The following SLC8A1 variants were observed in gnomAD, a reference collection of about 807,000 sequenced individuals.
The protein encoded by SLC8A1 is solute carrier family 8 member A1.
Under a neutral mutation model 68.3 loss-of-function variants are expected in SLC8A1, and 18 were observed. The ratio of observed to expected loss-of-function variants is 0.26; its 90% CI spans 0.18 to 0.39. The LOEUF is 0.39. SLC8A1 is among the 10% of genes least tolerant of loss of function. SLC8A1 has a pLI of 1.00. For synonymous variants in SLC8A1, 475 were observed against 415.5 expected (o/e 1.14, Z -1.74); for missense variants, 985 against 1,156.7 (o/e 0.85, Z 2.15).
chr2:40,272,528 G>C (rs1383200352), intron 2 of SLC8A1, among the ~76,000 whole-genome samples: 6 of 152,170 alleles, frequency 3.9e-5, no homozygotes, highest in Non-Finnish European at 5.9e-5. Context: ...GAGTCCATAG[G>C]GGGCTAACAC....
intron 1 of SLC8A1, among the ~76,000 whole-genome samples, chr2:40,501,345 A>G (rs956965478): frequency 1.3e-5 from 2 of 152,092 alleles, no homozygotes; most frequent in Admixed American, 1.3e-4. Context: ...CTCTTTGTAA[A>G]ACATTTCTGC....
At chr2:40,324,032 G>T (rs1014715342) in intron 2 of SLC8A1, among the ~76,000 whole-genome samples, 1 of 151,728 alleles carries the variant, frequency 6.6e-6, no homozygotes, top group African/African-American at 2.4e-5. Flanking sequence ...TAAAGGTGGG[G>T]GGGGGGCTGT....
chr2:40,356,115 C>T (rs1452116499), intron 2 of SLC8A1, among the ~76,000 whole-genome samples: 1 of 152,154 alleles, frequency 6.6e-6, no homozygotes, highest in Non-Finnish European at 1.5e-5. Context: ...TGAGCTTCAC[C>T]TCCTCTCAGT....
At chr2:40,225,464 T>C (rs1467929045) in intron 2 of SLC8A1, among the ~76,000 whole-genome samples, 2 of 149,904 alleles carry the variant, frequency 1.3e-5, no homozygotes, top group Non-Finnish European at 3.0e-5. Context: ...ATGGCATTTG[T>C]CCTATTCTCT....
intron 2 of SLC8A1, among the ~76,000 whole-genome samples, chr2:40,278,154 T>G (rs935471445): frequency 6.6e-6 from 1 of 152,116 alleles, no homozygotes; most frequent in Non-Finnish European, 1.5e-5. Flanking sequence ...AACTCTATAA[T>G]TTATTTACCT....
At chr2:40,278,108 C>A (rs2067007197) in intron 2 of SLC8A1, among the ~76,000 whole-genome samples, 1 of 151,934 alleles carries the variant, frequency 6.6e-6, no homozygotes, top group Non-Finnish European at 1.5e-5. Flanking sequence ...CTGGTTTTTA[C>A]ACTTTTAATA....
intron 1 of SLC8A1, among the ~76,000 whole-genome samples, chr2:40,491,545 G>T (rs1224746710): frequency 1.3e-5 from 2 of 152,094 alleles, no homozygotes; most frequent in East Asian, 3.9e-4. Flanking sequence ...GTGAGAGAAG[G>T]CATCCCTGTC....
chr2:40,305,058 C>G (rs2072311040), intron 2 of SLC8A1, among the ~76,000 whole-genome samples: 1 of 152,190 alleles, frequency 6.6e-6, no homozygotes, highest in African/African-American at 2.4e-5. Flanking sequence ...TTCTGCATTT[C>G]TAACAACTTC....
chr2:40,502,575 T>C (rs1706118927), intron 1 of SLC8A1, among the ~76,000 whole-genome samples: 1 of 152,078 alleles, frequency 6.6e-6, no homozygotes, highest in Admixed American at 6.6e-5. Context: ...AATAAGAATA[T>C]AATTGCATTT....
intron 7 of SLC8A1, among the ~76,000 whole-genome samples, chr2:40,118,770 T>C (rs913166652): frequency 6.6e-6 from 1 of 151,910 alleles, no homozygotes; most frequent in South Asian, 2.1e-4. Flanking sequence ...CACTGGCTGG[T>C]GGTGAACAGA....
intron 2 of SLC8A1, among the ~76,000 whole-genome samples, chr2:40,219,527 T>C (rs1313198268): frequency 6.6e-6 from 1 of 152,160 alleles, no homozygotes; most frequent in Non-Finnish European, 1.5e-5. Context: ...GCAAGAGAAA[T>C]AGAAATGAAG....
chr2:40,360,414 G>C (rs1018467526), intron 2 of SLC8A1, among the ~76,000 whole-genome samples: 1 of 152,058 alleles, frequency 6.6e-6, no homozygotes, highest in African/African-American at 2.4e-5. Context: ...ATTTATATGT[G>C]GTTAGGCTAA....
intron 1 of SLC8A1, among the ~76,000 whole-genome samples, chr2:40,490,558 A>G (rs927923267): frequency 5.9e-5 from 9 of 152,162 alleles, no homozygotes; most frequent in African/African-American, 1.4e-4. Flanking sequence ...AATGAATCTT[A>G]TATACATTTA....
chr2:40,483,512 T>A (rs1055075244), intron 1 of SLC8A1, among the ~76,000 whole-genome samples: 3 of 152,082 alleles, frequency 2.0e-5, no homozygotes, highest in African/African-American at 7.2e-5. Context: ...ATAGCTACAG[T>A]CAACAAAGCC....
intron 2 of SLC8A1, among the ~76,000 whole-genome samples, chr2:40,238,093 CAGA>C (rs1424886666): frequency 6.6e-6 from 1 of 152,224 alleles, no homozygotes; most frequent in African/African-American, 2.4e-5. Context: ...GTGGAGCCTA[CAGA>C]GGCAGGCAGG....
At chr2:40,362,344 T>C (rs1190102958) in intron 2 of SLC8A1, among the ~76,000 whole-genome samples, 3 of 152,100 alleles carry the variant, frequency 2.0e-5, no homozygotes, top group African/African-American at 4.8e-5. Flanking sequence ...TTAGCATAAA[T>C]AATGACAGCC....
chr2:40,347,564 A>G (rs747998352), intron 2 of SLC8A1, among the ~76,000 whole-genome samples: 5 of 152,116 alleles, frequency 3.3e-5, no homozygotes, highest in Non-Finnish European at 7.3e-5. Context: ...CATAATACCC[A>G]TTTTACAGAG....
At chr2:40,134,297 G>A (rs1344576075) in intron 7 of SLC8A1, among the ~76,000 whole-genome samples, 2 of 151,954 alleles carry the variant, frequency 1.3e-5, no homozygotes, top group Admixed American at 6.6e-5. Flanking sequence ...TCAGCATGTT[G>A]GCCAGGTTGG....
At chr2:40,179,074 A>T (rs1251254989) in intron 2 of SLC8A1, among the ~76,000 whole-genome samples, 1 of 152,152 alleles carries the variant, frequency 6.6e-6, no homozygotes, top group African/African-American at 2.4e-5. Flanking sequence ...ACCCCACCCA[A>T]TGTCTTAGAA....
Sources: gnomAD v4.1 joint callset for allele counts (sites outside exome capture counted in the v4.1 genomes callset) on GRCh38, gnomAD v4.1.1 for gene constraint, MANE v1.5 for transcripts, NCBI Gene and HGNC (gene_info 2026-07-23, HGNC 2026-07-21) for gene names.